Variants in SYN2 observed in about 807,000 individuals in gnomAD.
SYN2 encodes synapsin-2.
In SYN2, 19 loss-of-function variants were observed where a neutral mutation model predicts 50.9. The observed-to-expected ratio is 0.37, with a 90% CI of 0.26 to 0.55. SYN2 has a LOEUF of 0.55. Among genes scored for constraint, SYN2 ranks in the 20% least tolerant of loss-of-function variants. The probability of loss-of-function intolerance (pLI) is 0.81; values close to 1 mark genes in which losing one functional copy is unlikely to be tolerated. For synonymous variants in SYN2, 255 were observed against 224.9 expected (o/e 1.13, Z -1.20); for missense variants, 587 against 576.4 (o/e 1.02, Z -0.19).
chr3:12,065,859 G>A lies in SYN2; in HGVS notation c.377+60931G>A, dbSNP rs555031061. On this transcript the variant is annotated intron_variant, in intron 1 of 12. Transcript: ENST00000621198. The stretch of plus-strand genomic sequence containing the variant: ...TGTACTCCCTGAATCTAAAATAAAA[G>A]TTGAAATTATTTAAAAAGCCAGTAA... 3.3e-4 allele frequency among the ~76,000 whole-genome samples: 50 copies of A among 151,940 alleles called. No individual in the cohort carries two copies. In the South Asian group the frequency reaches 0.01, roughly 32 times the overall value.
At chr3:12,087,557 T>C (rs541860077) in intron 1 of SYN2, among the ~76,000 whole-genome samples, 2 of 151,854 alleles carry the variant, frequency 1.3e-5, no homozygotes, top group African/African-American at 4.8e-5. Context: ...AATACCAGCC[T>C]GGGCAACATG....
intron 11 of SYN2, chr3:12,185,223 G>A (rs1288001014): frequency 2.0e-6 from 2 of 985,704 alleles, no homozygotes; most frequent in African/African-American, 1.7e-5. Context: ...TGAAACGATA[G>A]AATAAAGTAA....
At chr3:12,153,635 T>C in intron 5 of SYN2, 1 of 1,614,192 alleles carries the variant, frequency 6.2e-7, no homozygotes, top group Non-Finnish European at 8.5e-7. Flanking sequence ...CATAGAGCTT[T>C]CGTTCCAACA....
Position 12,117,639 on chromosome 3 carries a change from G to A in SYN2, c.378-23012G>A, listed in dbSNP as rs571045071. Among the ~76,000 whole-genome samples, 37 of 152,262 alleles carry A rather than the reference G, an allele frequency of 2.4e-4. No homozygotes were observed. In the East Asian group the frequency reaches 6.2e-3, roughly 25 times the overall value. ...AACTGGAACCAACAGCATTCTGGAT[G>A]GTATGAGTGGGAAGTGCCAGAATCT... On this transcript the variant is annotated intron_variant, in intron 1 of 12. Transcript: ENST00000621198.
At chr3:12,066,850 C>T (rs307590) in intron 1 of SYN2, among the ~76,000 whole-genome samples, 96,905 of 151,762 alleles carry the variant, frequency 0.64, 33,413 homozygotes, top group South Asian at 0.78. Flanking sequence ...CTGGGGGGGG[C>T]CTCAGGAAGC....
At chr3:12,117,694 G>A (rs1173879706) in intron 1 of SYN2, among the ~76,000 whole-genome samples, 1 of 152,150 alleles carries the variant, frequency 6.6e-6, no homozygotes, top group Non-Finnish European at 1.5e-5. Flanking sequence ...ATTCTGCCTT[G>A]GGGTTGCAGT....
At chr3:12,074,995 C>T (rs1695437836) in intron 1 of SYN2, among the ~76,000 whole-genome samples, 1 of 152,144 alleles carries the variant, frequency 6.6e-6, no homozygotes. Flanking sequence ...CTTGAAAATG[C>T]CATTCTCCTT....
At chr3:12,066,341 AT>A (rs1695217595) in intron 1 of SYN2, among the ~76,000 whole-genome samples, 1 of 152,202 alleles carries the variant, frequency 6.6e-6, no homozygotes, top group Non-Finnish European at 1.5e-5. Context: ...GAAAAATAAA[AT>A]TAAAAAAATG....
intron 11 of SYN2, among the ~76,000 whole-genome samples, chr3:12,186,701 G>T (rs112939929): frequency 1.2e-3 from 178 of 152,302 alleles, no homozygotes; most frequent in African/African-American, 4.1e-3. Context: ...TCAGACCCAC[G>T]CAGGCTTGGA....
At chr3:12,144,828 TTGTCCAACA>T (rs1697109731) in intron 3 of SYN2, among the ~76,000 whole-genome samples, 1 of 151,632 alleles carries the variant, frequency 6.6e-6, no homozygotes, top group Admixed American at 6.6e-5. Flanking sequence ...CAAGACCAGC[TTGTCCAACA>T]TGGCGAACAT....
intron 1 of SYN2, among the ~76,000 whole-genome samples, chr3:12,066,201 C>T (rs992606223): frequency 3.9e-5 from 6 of 152,098 alleles, no homozygotes; most frequent in African/African-American, 1.4e-4. Context: ...AATAATGAAT[C>T]AATATTGGCT....
rs1290039659 is a variant in SYN2, at chr3:12,039,109, A to G, written c.377+34181A>G. ...TTCTAGGTTGTTGAGTGTTTTTATC[A>G]TGAAAGGGTGTTGGATTTTGTGAAA... On this transcript the variant is annotated intron_variant, in intron 1 of 12. Coordinates refer to ENST00000621198, the MANE Select transcript of SYN2 (RefSeq NM_133625.6). Among the ~76,000 whole-genome samples the G allele has an allele frequency of 3.3e-5, 5 of 152,164 alleles. No homozygotes were observed. The South Asian group carries it at 8.3e-4, about 25-fold the overall frequency.
chr3:12,077,685 G>T (rs1695500473), intron 1 of SYN2, among the ~76,000 whole-genome samples: 1 of 152,174 alleles, frequency 6.6e-6, no homozygotes, highest in African/African-American at 2.4e-5. Flanking sequence ...ATTCCATGGT[G>T]TATACGTACC....
chr3:12,019,781 G>C (rs1443672793), intron 1 of SYN2, among the ~76,000 whole-genome samples: 1 of 152,120 alleles, frequency 6.6e-6, no homozygotes, highest in East Asian at 1.9e-4. Flanking sequence ...AGGTAAATTG[G>C]TATAATTTCC....
intron 1 of SYN2, among the ~76,000 whole-genome samples, chr3:12,064,200 T>A (rs1198743155): frequency 6.6e-6 from 1 of 151,824 alleles, no homozygotes; most frequent in Non-Finnish European, 1.5e-5. Context: ...TACAAAACAC[T>A]TGGCCAATAC....
chr3:12,183,634 G>T, intron 11 of SYN2: 2 of 1,422,668 alleles, frequency 1.4e-6, no homozygotes, highest in East Asian at 5.3e-5. Flanking sequence ...TGCTTGTAAT[G>T]CTCACTTATG....
At position 12,033,598 on chromosome 3, in the gene SYN2, A is replaced by G. The variant is rs148260600; in HGVS notation, c.377+28670A>G. On this transcript the variant is annotated intron_variant, in intron 1 of 12. Transcript: ENST00000621198. ...GGTTTTAGTATATTCACAAGATTAT[A>G]TAACCACCACCACTTATTTCAGAAC... Among the ~76,000 whole-genome samples the G allele has an allele frequency of 7.8e-3, 1,195 of 152,350 alleles. 12 individuals carry two copies. Among genetic ancestry groups the G allele is most frequent in the Middle Eastern group, 0.014 (4 of 294 alleles).
chr3:12,007,026 G>A (rs1026515309), intron 1 of SYN2, among the ~76,000 whole-genome samples: 8 of 152,134 alleles, frequency 5.3e-5, no homozygotes, highest in Non-Finnish European at 7.4e-5. Flanking sequence ...TTGCCAGTTA[G>A]GTATCTATAG....
chr3:12,168,872 C>T (rs1247209192), intron 9 of SYN2, among the ~76,000 whole-genome samples: 1 of 152,124 alleles, frequency 6.6e-6, no homozygotes, highest in Non-Finnish European at 1.5e-5. Context: ...CTTAGTGTCT[C>T]TCTGAGCCTT....
Sources: allele counts gnomAD v4.1 joint callset (sites outside exome capture counted in the v4.1 genomes callset), GRCh38; gene constraint gnomAD v4.1.1; transcripts MANE v1.5; gene names NCBI Gene and HGNC (gene_info 2026-07-23, HGNC 2026-07-21).